The following EYS variants were observed in gnomAD, a reference collection of about 807,000 sequenced individuals.
EYS encodes protein eyes shut homolog.
A neutral mutation model predicts 282.1 loss-of-function variants in EYS; 250 were observed. The observed-to-expected ratio is 0.89, with a 90% CI of 0.80 to 0.98. EYS has a LOEUF of 0.98. Ranked by LOEUF, EYS falls within the 50% of genes least tolerant of loss-of-function variation. The pLI is 0.00. For synonymous variants in EYS, 1,355 were observed against 1,282.9 expected (o/e 1.06, Z -1.20); for missense variants, 4,016 against 3,709.0 (o/e 1.08, Z -2.15).
At chr6:64,819,305 A>G (rs1764831565) in intron 21 of EYS, among the ~76,000 whole-genome samples, 1 of 152,196 alleles carries the variant, frequency 6.6e-6, no homozygotes, top group Non-Finnish European at 1.5e-5. Flanking sequence ...ATGAATGAGC[A>G]AAATTACATA....
chr6:64,014,638 T>C (rs1765652527), intron 33 of EYS, among the ~76,000 whole-genome samples: 1 of 152,190 alleles, frequency 6.6e-6, no homozygotes, highest in East Asian at 1.9e-4. Flanking sequence ...GTTGTAAATA[T>C]ACTTATCACT....
At chr6:63,730,536 T>G (rs1428279146) in intron 41 of EYS, among the ~76,000 whole-genome samples, 1 of 152,204 alleles carries the variant, frequency 6.6e-6, no homozygotes, top group East Asian at 1.9e-4. Context: ...GTAATTTATG[T>G]GAATAGTGTT....
chr6:65,460,056 T>C (rs964084692), intron 5 of EYS, among the ~76,000 whole-genome samples: 1 of 129,498 alleles, frequency 7.7e-6, no homozygotes, highest in African/African-American at 3.0e-5. Context: ...TATATGTGTG[T>C]ATATATGTAT....
intron 22 of EYS, among the ~76,000 whole-genome samples, chr6:64,661,470 A>G (rs181434484): frequency 0.014 from 2,192 of 152,262 alleles, 47 homozygotes; most frequent in African/African-American, 0.051. Flanking sequence ...ATGGGAGAAA[A>G]TTTTTGCAAT....
Position 65,330,754 on chromosome 6 carries a change from G to A in EYS, c.1766+4226C>T, listed in dbSNP as rs569607315. The A allele has an allele frequency of 3.3e-5, 32 of 960,002 alleles. 1 individual carries two copies. In the East Asian group the frequency reaches 1.6e-3, roughly 49 times the overall value. 59.5% of individuals were successfully genotyped at this position (960,002 alleles called of 1,614,324 possible). ...TTTAATTGAAAAATTTCTCCATCCC[G>A]AAATCACAAAGATATTTTTCTACAT... On this transcript the variant is annotated intron_variant, in intron 11 of 42. Transcript: ENST00000503581.
chr6:64,429,818 G>A (rs537276399), intron 28 of EYS, among the ~76,000 whole-genome samples: 2 of 152,176 alleles, frequency 1.3e-5, no homozygotes, highest in African/African-American at 4.8e-5. Flanking sequence ...TATGATACAG[G>A]AACAATTCCT....
intron 35 of EYS, among the ~76,000 whole-genome samples, chr6:63,868,457 T>C (rs922332702): frequency 2.0e-5 from 3 of 152,102 alleles, no homozygotes; most frequent in Non-Finnish European, 4.4e-5. Flanking sequence ...AAAAAATAAA[T>C]AACTCTTCTT....
intron 5 of EYS, among the ~76,000 whole-genome samples, chr6:65,450,583 G>C (rs1172189805): frequency 6.6e-6 from 1 of 152,148 alleles, no homozygotes; most frequent in African/African-American, 2.4e-5. Flanking sequence ...GCTTGAAGTG[G>C]AAGTGGCCTA....
intron 11 of EYS, among the ~76,000 whole-genome samples, chr6:65,327,153 G>C (rs576168769): frequency 6.6e-6 from 1 of 151,434 alleles, no homozygotes; most frequent in Non-Finnish European, 1.5e-5. Flanking sequence ...TTTTTATCTG[G>C]TTTAACACTT....
At chr6:64,293,379 A>G (rs1047980165) in intron 30 of EYS, among the ~76,000 whole-genome samples, 2 of 152,110 alleles carry the variant, frequency 1.3e-5, no homozygotes. Flanking sequence ...TGATATTTTG[A>G]GATGATATGT....
intron 29 of EYS, among the ~76,000 whole-genome samples, chr6:64,367,440 A>G (rs921180840): frequency 5.3e-5 from 8 of 152,026 alleles, no homozygotes; most frequent in Non-Finnish European, 1.2e-4. Context: ...CTGCTCTCCT[A>G]TTCTTCAACT....
At chr6:64,886,106 T>C (rs556855197) in intron 19 of EYS, among the ~76,000 whole-genome samples, 16 of 152,034 alleles carry the variant, frequency 1.1e-4, no homozygotes, top group Non-Finnish European at 1.6e-4. Context: ...TTAATACTAG[T>C]ATGCCAAAAC....
chr6:64,557,944 G>A (rs1415986089), intron 26 of EYS, among the ~76,000 whole-genome samples: 1 of 151,954 alleles, frequency 6.6e-6, no homozygotes, highest in African/African-American at 2.4e-5. Context: ...TTCTTTTACA[G>A]ACCTGTCAGC....
intron 35 of EYS, among the ~76,000 whole-genome samples, chr6:63,934,392 T>G (rs1401065789): frequency 6.6e-6 from 1 of 152,002 alleles, no homozygotes; most frequent in Non-Finnish European, 1.5e-5. Context: ...AACCATCCCA[T>G]TACTGGGTAT....
chr6:64,898,710 T>A (rs1200268051), intron 18 of EYS, among the ~76,000 whole-genome samples: 1 of 148,812 alleles, frequency 6.7e-6, no homozygotes, highest in Non-Finnish European at 1.5e-5. Flanking sequence ...AGGAGATGCA[T>A]CTCGTATGCA....
At chr6:65,238,760 CA>C (rs894423562) in intron 12 of EYS, among the ~76,000 whole-genome samples, 9 of 151,746 alleles carry the variant, frequency 5.9e-5, no homozygotes, top group African/African-American at 1.9e-4. Context: ...TATTCAATGG[CA>C]AAAGGTAGGA....
At chr6:65,393,392 G>A (rs1766136160) in intron 7 of EYS, among the ~76,000 whole-genome samples, 1 of 152,134 alleles carries the variant, frequency 6.6e-6, no homozygotes. Flanking sequence ...CCCAGCTTTT[G>A]AGATAATTAA....
chr6:64,194,325 C>T (rs1439620509), intron 31 of EYS, among the ~76,000 whole-genome samples: 1 of 152,064 alleles, frequency 6.6e-6, no homozygotes, highest in African/African-American at 2.4e-5. Flanking sequence ...TATTTTCTAC[C>T]TTCTCAAGTG....
intron 13 of EYS, among the ~76,000 whole-genome samples, chr6:65,013,955 T>C (rs1403286014): frequency 6.6e-6 from 1 of 152,202 alleles, no homozygotes; most frequent in Non-Finnish European, 1.5e-5. Flanking sequence ...AGATTGTGGA[T>C]ATAATTAAGT....
Sources: allele counts gnomAD v4.1 joint callset (sites outside exome capture counted in the v4.1 genomes callset), GRCh38; gene constraint gnomAD v4.1.1; transcripts MANE v1.5; gene names NCBI Gene and HGNC (gene_info 2026-07-23, HGNC 2026-07-21).